Variants in SLC4A8 observed in about 807,000 individuals in gnomAD.
The protein encoded by SLC4A8 is solute carrier family 4 member 8.
Under a neutral mutation model 125.0 loss-of-function variants are expected in SLC4A8, and 40 were observed. That is an observed-to-expected ratio of 0.32 (90% CI 0.25 to 0.42). The LOEUF (loss-of-function observed/expected upper bound fraction) is 0.42. Ranked by LOEUF, SLC4A8 falls within the 10% of genes least tolerant of loss-of-function variation. The pLI is 1.00. For missense variants in SLC4A8, 863 were observed against 1,355.1 expected (o/e 0.64, Z 5.70); for synonymous variants, 456 against 476.0 (o/e 0.96, Z 0.55).
chr12:51,478,124 A>ACT (rs1950909523), intron 16 of SLC4A8, among the ~76,000 whole-genome samples: 2 of 152,138 alleles, frequency 1.3e-5, no homozygotes, highest in African/African-American at 4.8e-5. Context: ...AAATACAAAA[A>ACT]ATTAGCTGGG....
chr12:51,459,517 T>A (rs1357017761), intron 7 of SLC4A8, among the ~76,000 whole-genome samples: 3 of 151,966 alleles, frequency 2.0e-5, no homozygotes, highest in Non-Finnish European at 4.4e-5. Flanking sequence ...TTTGTAAGGA[T>A]CAAATAAAAT....
chr12:51,426,525 C>T (rs1317654697), intron 1 of SLC4A8, among the ~76,000 whole-genome samples: 1 of 152,078 alleles, frequency 6.6e-6, no homozygotes. Flanking sequence ...GACATGGTCT[C>T]AGAGAAGATT....
chr12:51,463,354 T>C (rs1222268503), intron 10 of SLC4A8, among the ~76,000 whole-genome samples: 1 of 152,164 alleles, frequency 6.6e-6, no homozygotes, highest in Non-Finnish European at 1.5e-5. Flanking sequence ...TTTTTCTCTT[T>C]CTAGGCAAGG....
intron 22 of SLC4A8, among the ~76,000 whole-genome samples, chr12:51,503,501 A>G (rs1036646949): frequency 2.0e-5 from 3 of 152,214 alleles, no homozygotes; most frequent in Admixed American, 6.5e-5. Context: ...GTGAGCCACC[A>G]TGCCCGGCCT....
chr12:51,430,452 G>C (rs1050739341), intron 1 of SLC4A8, among the ~76,000 whole-genome samples: 1 of 152,104 alleles, frequency 6.6e-6, no homozygotes, highest in Non-Finnish European at 1.5e-5. Flanking sequence ...ACTGTAGATA[G>C]CAGTTTCTCC....
chr12:51,465,408 T>A, intron 11 of SLC4A8, among the ~76,000 whole-genome samples: 1 of 152,158 alleles, frequency 6.6e-6, no homozygotes, highest in East Asian at 1.9e-4. Context: ...TGGTCACTTA[T>A]AATCAATTCC....
upstream of SLC4A8, among the ~76,000 whole-genome samples, chr12:51,421,206 C>T (rs1479883353): frequency 6.6e-6 from 1 of 152,158 alleles, no homozygotes; most frequent in African/African-American, 2.4e-5. Flanking sequence ...CTGAATACCC[C>T]CAGCTCCACT....
chr12:51,504,757 T>C (rs555429155), intron 23 of SLC4A8, among the ~76,000 whole-genome samples: 2 of 152,336 alleles, frequency 1.3e-5, no homozygotes, highest in South Asian at 4.1e-4. Context: ...TGAACTGGGA[T>C]CATGAAAATT....
chr12:51,417,690 G>A (rs143706817), intron 1 of SLC4A8, among the ~76,000 whole-genome samples: 1,866 of 152,262 alleles, frequency 0.012, 52 homozygotes, highest in African/African-American at 0.043. Context: ...GCTAATTTTT[G>A]TATTTTTAGT....
rs1938295461 is a variant in SLC4A8 at position 51,509,723 on chromosome 12, T to G, written c.*2285T>G. ...CCTTGACCGCTTGAGGGGAGGAGCC[T>G]TCATTAACTCTGTGTAGTGCAGGTA... On this transcript the variant is annotated 3_prime_UTR_variant, in exon 25 of 25. Transcript: ENST00000453097. The G allele has an allele frequency of 6.6e-6, 1 of 152,216 alleles. No homozygotes were observed. The highest frequency in any genetic ancestry group is 1.5e-5 in the Non-Finnish European group (1 of 68,082). 9.4% of individuals were successfully genotyped at this position (152,216 alleles called of 1,614,324 possible). A position where few individuals can be genotyped will look rare whatever the true frequency, so the allele number is the denominator to read the frequency against.
Position 51,471,273 on chromosome 12 carries a change from T to TG in SLC4A8, c.1659-12dup, listed in dbSNP as rs1250771025. The TG allele has an allele frequency of 1.2e-6, 2 of 1,605,836 alleles. No homozygotes were observed. The highest frequency in any genetic ancestry group is 2.7e-5 in the African/African-American group (2 of 74,862). ...TCCATCCATGCGTTCTGATGAACTT[T>TG]GGTCTTGTTTCAGAGACTATGCTCT... is the stretch of plus-strand genomic sequence containing the variant. On this transcript the variant is annotated splice_polypyrimidine_tract_variant and intron_variant, in intron 13 of 24. Coordinates refer to ENST00000453097, the MANE Select transcript of SLC4A8 (RefSeq NM_001039960.3).
intron 14 of SLC4A8, among the ~76,000 whole-genome samples, chr12:51,471,910 G>C: frequency 6.6e-6 from 1 of 152,128 alleles, no homozygotes; most frequent in Middle Eastern, 3.2e-3. Flanking sequence ...GTGAGAGAAT[G>C]GACTCTGTCC....
chr12:51,409,402 A>G (rs978607377), intron 1 of SLC4A8, among the ~76,000 whole-genome samples: 1 of 152,138 alleles, frequency 6.6e-6, no homozygotes, highest in Non-Finnish European at 1.5e-5. Flanking sequence ...GCTTTGTGTT[A>G]TAGGAAAGCT....
chr12:51,469,328 C>G (rs999442973), intron 11 of SLC4A8, among the ~76,000 whole-genome samples: 6 of 152,128 alleles, frequency 3.9e-5, no homozygotes, highest in Non-Finnish European at 7.4e-5. Flanking sequence ...GAAGCTAATA[C>G]TTGCTTTCGT....
At chr12:51,449,177 C>T (rs553940621) in intron 2 of SLC4A8, among the ~76,000 whole-genome samples, 1 of 152,276 alleles carries the variant, frequency 6.6e-6, no homozygotes, top group East Asian at 1.9e-4. Context: ...GTGATTCACA[C>T]CTGTAATCCC....
At chr12:51,489,175 G>T (rs958679595) in intron 18 of SLC4A8, among the ~76,000 whole-genome samples, 1 of 152,210 alleles carries the variant, frequency 6.6e-6, no homozygotes, top group Non-Finnish European at 1.5e-5. Flanking sequence ...TGAGGTTCAG[G>T]TGGGGGCCTG....
In SLC4A8 at chr12:51,400,786, A is replaced by ATG. The variant is rs1948371740; in HGVS notation, c.-112+9298_-112+9299insTG. On this transcript the variant is annotated intron_variant, in intron 1 of 24. Transcript: ENST00000358657. ...TATATATATATATATATACATACATACACACACACACACACATATATAAAC... is the reference window on the plus strand; with the variant it reads ...TATATATATATATATATACATACATATGCACACACACACACACATATATAAAC... 1.3e-3 allele frequency among the ~76,000 whole-genome samples: 14 copies of ATG among 10,986 alleles called. 2 individuals are homozygous for ATG. Among genetic ancestry groups the ATG allele is most frequent in the Non-Finnish European group, 1.8e-3 (11 of 6,108 alleles). The allele number at this position is 10,986 out of a possible 152,430, so 7.2% of individuals were successfully genotyped here.
chr12:51,507,066 G>A (rs1378981228), intron 24 of SLC4A8, among the ~76,000 whole-genome samples: 1 of 152,168 alleles, frequency 6.6e-6, no homozygotes, highest in African/African-American at 2.4e-5. Context: ...GCAGGAAAAT[G>A]GAGATAATAA....
At chr12:51,404,346 C>G (rs1025275088) in intron 1 of SLC4A8, among the ~76,000 whole-genome samples, 4 of 152,272 alleles carry the variant, frequency 2.6e-5, no homozygotes, top group African/African-American at 9.6e-5. Flanking sequence ...CCTTTAGCAT[C>G]TTTTAGGGAA....
Sources: allele counts gnomAD v4.1 joint callset (sites outside exome capture counted in the v4.1 genomes callset), GRCh38; gene constraint gnomAD v4.1.1; transcripts MANE v1.5; gene names NCBI Gene and HGNC (gene_info 2026-07-23, HGNC 2026-07-21).